The following ZFYVE9 variants were observed in gnomAD, a reference collection of about 807,000 sequenced individuals.
The protein encoded by ZFYVE9 is zinc finger FYVE domain-containing protein 9.
A neutral mutation model predicts 126.7 loss-of-function variants in ZFYVE9; 43 were observed. The observed-to-expected ratio is 0.34, with a 90% CI of 0.27 to 0.44. The LOEUF is 0.44. ZFYVE9 is among the 20% of genes least tolerant of loss of function. The pLI is 1.00. For synonymous variants in ZFYVE9, 521 were observed against 597.4 expected, an observed-to-expected ratio of 0.87 and a Z score of 1.87; for missense variants, 1,476 against 1,697.0, an observed-to-expected ratio of 0.87 and a Z score of 2.29.
At chr1:52,242,316 G>A (rs1910265) in intron 4 of ZFYVE9, among the ~76,000 whole-genome samples, 2 of 152,186 alleles carry the variant, frequency 1.3e-5, no homozygotes, top group African/African-American at 4.8e-5. Context: ...ACAGACATGA[G>A]CCACTGCGCC....
At chr1:52,345,338 CTGAG>C (rs1247886725) in intron 18 of ZFYVE9, among the ~76,000 whole-genome samples, 1 of 152,128 alleles carries the variant, frequency 6.6e-6, no homozygotes, top group Non-Finnish European at 1.5e-5. Context: ...CCCTTCCCCA[CTGAG>C]TGAGTGTTAA....
chr1:52,146,426 G>T (rs1004722473), intron 1 of ZFYVE9, among the ~76,000 whole-genome samples: 2 of 152,072 alleles, frequency 1.3e-5, no homozygotes, highest in African/African-American at 4.8e-5. Context: ...TCAGAACATA[G>T]ATTTTTCCTT....
At chr1:52,264,822 A>G (rs748230212) in intron 5 of ZFYVE9, among the ~76,000 whole-genome samples, 2 of 152,130 alleles carry the variant, frequency 1.3e-5, no homozygotes, top group East Asian at 1.9e-4. Context: ...CTAATTTCCT[A>G]TGATCCACCC....
At chr1:52,254,026 A>T in intron 4 of ZFYVE9, 1 of 761,264 alleles carries the variant, frequency 1.3e-6, no homozygotes, top group East Asian at 2.4e-5. Flanking sequence ...TTGGACGTTA[A>T]TGATACAGAT....
intron 1 of ZFYVE9, among the ~76,000 whole-genome samples, chr1:52,198,778 G>A (rs1191866326): frequency 6.6e-6 from 1 of 152,062 alleles, no homozygotes; most frequent in Non-Finnish European, 1.5e-5. Flanking sequence ...AAATTGAGAG[G>A]AAAATAGAGA....
chr1:52,151,831 A>G (rs573430719), intron 1 of ZFYVE9, among the ~76,000 whole-genome samples: 1 of 151,938 alleles, frequency 6.6e-6, no homozygotes, highest in Non-Finnish European at 1.5e-5. Context: ...CAGGATTTCT[A>G]AAGTATGTTC....
chr1:52,314,469 G>C (rs1242871528), intron 13 of ZFYVE9, among the ~76,000 whole-genome samples: 1 of 152,194 alleles, frequency 6.6e-6, no homozygotes, highest in Non-Finnish European at 1.5e-5. Flanking sequence ...ATCACTTGAG[G>C]CCAAGAGTTC....
chr1:52,207,154 G>A (rs1460304871), intron 1 of ZFYVE9, among the ~76,000 whole-genome samples: 1 of 152,192 alleles, frequency 6.6e-6, no homozygotes, highest in Non-Finnish European at 1.5e-5. Context: ...TCACAGGGAT[G>A]TTGTATATCT....
At chr1:52,168,905 T>C (rs533428138) in intron 1 of ZFYVE9, among the ~76,000 whole-genome samples, 153 of 152,246 alleles carry the variant, frequency 1.0e-3, no homozygotes, top group Non-Finnish European at 1.9e-3. Context: ...TTGCTGGAAA[T>C]AAGTGGCAGT....
At chr1:52,315,748 A>T (rs1646177336) in intron 13 of ZFYVE9, among the ~76,000 whole-genome samples, 1 of 152,236 alleles carries the variant, frequency 6.6e-6, no homozygotes, top group Admixed American at 6.5e-5. Flanking sequence ...ATTTAAATCC[A>T]GCCATATTAA....
intron 1 of ZFYVE9, among the ~76,000 whole-genome samples, chr1:52,174,587 T>A (rs1409422399): frequency 6.6e-6 from 1 of 150,606 alleles, no homozygotes; most frequent in African/African-American, 2.4e-5. Flanking sequence ...TTGATCTGTC[T>A]AATGTTGACA....
intron 2 of ZFYVE9, among the ~76,000 whole-genome samples, chr1:52,219,800 T>TGTGTGG (rs1645106869): frequency 7.2e-6 from 1 of 138,096 alleles, no homozygotes; most frequent in Non-Finnish European, 1.6e-5. Context: ...TGTGTGTGTG[T>TGTGTGG]GTGGCAGAGT....
chr1:52,259,975 G>A (rs1268002287), intron 4 of ZFYVE9, among the ~76,000 whole-genome samples: 1 of 151,870 alleles, frequency 6.6e-6, no homozygotes, highest in Non-Finnish European at 1.5e-5. Flanking sequence ...ATGAACACTT[G>A]GGTTGTTTAC....
At chr1:52,281,986 G>T (rs1333296946) in intron 10 of ZFYVE9, among the ~76,000 whole-genome samples, 170 bp downstream of exon 10, 3 of 152,124 alleles carry the variant, frequency 2.0e-5, no homozygotes, top group African/African-American at 7.2e-5. Flanking sequence ...TTTTAGTATT[G>T]TACCTGGTAT....
At chr1:52,275,664 T>C (rs889043546) in intron 8 of ZFYVE9, among the ~76,000 whole-genome samples, 5 of 152,144 alleles carry the variant, frequency 3.3e-5, no homozygotes, top group Non-Finnish European at 7.4e-5. Flanking sequence ...TGCTGACATA[T>C]ATGGATCAGT....
chr1:52,216,585 C>CTTA, intron 2 of ZFYVE9, 111 bp downstream of exon 2: 1 of 394,486 alleles, frequency 2.5e-6, no homozygotes, highest in Non-Finnish European at 4.5e-6. Flanking sequence ...AACATTGTGT[C>CTTA]TTATTAAATC....
intron 2 of ZFYVE9, among the ~76,000 whole-genome samples, chr1:52,220,681 A>G (rs1645116281): frequency 6.6e-6 from 1 of 152,170 alleles, no homozygotes; most frequent in African/African-American, 2.4e-5. Flanking sequence ...TGAAGCTGTG[A>G]CAATATTTCC....
At chr1:52,145,538 C>T (rs890973538) in intron 1 of ZFYVE9, among the ~76,000 whole-genome samples, 5 of 152,090 alleles carry the variant, frequency 3.3e-5, no homozygotes, top group East Asian at 1.9e-4. Flanking sequence ...CCTCTTAAAG[C>T]GATGTGACAT....
intron 9 of ZFYVE9, among the ~76,000 whole-genome samples, chr1:52,280,991 C>T (rs993250498): frequency 6.6e-6 from 1 of 152,054 alleles, no homozygotes; most frequent in Non-Finnish European, 1.5e-5. Flanking sequence ...GTTCTTCAAT[C>T]ACGTTTGGCT....
Sources: allele counts gnomAD v4.1 joint callset (sites outside exome capture counted in the v4.1 genomes callset), GRCh38; gene constraint gnomAD v4.1.1; transcripts MANE v1.5; gene names NCBI Gene and HGNC (gene_info 2026-07-23, HGNC 2026-07-21).